Variants in ZNF892 observed in about 807,000 individuals in gnomAD.
The protein encoded by ZNF892 is zinc finger protein 892.
the ZNF892 span, among the ~76,000 whole-genome samples, chr2:95,228,650 A>G: frequency 3.3e-5 from 5 of 152,326 alleles, no homozygotes; most frequent in South Asian, 6.2e-4. Flanking sequence ...GCCTGAATCA[A>G]TTATTACATT....
chr2:95,237,751 T>G, the ZNF892 span, among the ~76,000 whole-genome samples: 2 of 152,354 alleles, frequency 1.3e-5, no homozygotes, highest in Non-Finnish European at 2.9e-5. Flanking sequence ...TGAAGAAAAT[T>G]AAATGTGCTA....
chr2:95,226,139 A>G, the ZNF892 span, among the ~76,000 whole-genome samples: 2 of 152,202 alleles, frequency 1.3e-5, no homozygotes, highest in Non-Finnish European at 2.9e-5. Flanking sequence ...GCATTGCCTT[A>G]GTGGGGTCTC....
At chr2:95,209,268 A>T in the ZNF892 span, among the ~76,000 whole-genome samples, 1 of 152,122 alleles carries the variant, frequency 6.6e-6, no homozygotes, top group East Asian at 1.9e-4. Flanking sequence ...ATAAAAAAAA[A>T]GTCTTCAAAT....
the ZNF892 span, among the ~76,000 whole-genome samples, chr2:95,234,309 A>G: frequency 1.3e-5 from 2 of 152,234 alleles, no homozygotes; most frequent in Admixed American, 6.5e-5. Context: ...TTAGAAGAAG[A>G]ACCCAGGAAA....
chr2:95,219,265 C>T, the ZNF892 span, among the ~76,000 whole-genome samples: 1 of 152,182 alleles, frequency 6.6e-6, no homozygotes, highest in East Asian at 1.9e-4. Context: ...TTCGGCCTCC[C>T]AAAGTGCTGG....
At chr2:95,223,400 G>T in the ZNF892 span, among the ~76,000 whole-genome samples, 13 of 151,748 alleles carry the variant, frequency 8.6e-5, no homozygotes, top group Non-Finnish European at 1.5e-4. Flanking sequence ...GTTTTTTTGG[G>T]GGGGAGGAGG....
the ZNF892 span, among the ~76,000 whole-genome samples, chr2:95,225,476 G>T: frequency 6.6e-6 from 1 of 152,178 alleles, no homozygotes; most frequent in Non-Finnish European, 1.5e-5. Context: ...CTGAACTCAC[G>T]CTTTTGTAAT....
At chr2:95,223,365 A>G in the ZNF892 span, among the ~76,000 whole-genome samples, 1 of 152,202 alleles carries the variant, frequency 6.6e-6, no homozygotes, top group Non-Finnish European at 1.5e-5. Context: ...AAACATAAGA[A>G]TACTTTATAA....
At chr2:95,208,721 G>C in the ZNF892 span, 1 of 398,514 alleles carries the variant, frequency 2.5e-6, no homozygotes, top group African/African-American at 2.1e-5. Context: ...CTGTGCTGCT[G>C]ACCCCTGGGT....
the ZNF892 span, among the ~76,000 whole-genome samples, chr2:95,213,553 C>T: frequency 3.9e-5 from 6 of 152,094 alleles, no homozygotes; most frequent in African/African-American, 9.7e-5. Flanking sequence ...TTTGACCTTC[C>T]CCTCCCAACA....
chr2:95,212,114 C>T, the ZNF892 span: 38 of 397,832 alleles, frequency 9.6e-5, no homozygotes, highest in Non-Finnish European at 1.5e-4. Flanking sequence ...CACTCTCTCC[C>T]TCTCTTACCA....
At chr2:95,238,072 A>T in the ZNF892 span, among the ~76,000 whole-genome samples, 8 of 152,362 alleles carry the variant, frequency 5.3e-5, no homozygotes, top group African/African-American at 1.9e-4. Flanking sequence ...GATATTTAAG[A>T]TCATTGATGA....
chr2:95,259,526 C>G, the ZNF892 span: 1 of 152,294 alleles, frequency 6.6e-6, no homozygotes, highest in Non-Finnish European at 1.5e-5. Flanking sequence ...ACAGCCTGCT[C>G]ATCAGAATTA....
the ZNF892 span, among the ~76,000 whole-genome samples, chr2:95,245,480 A>AGGGT: frequency 1.4e-5 from 2 of 144,564 alleles, no homozygotes; most frequent in Non-Finnish European, 3.0e-5. Context: ...CATGTTAGCC[A>AGGGT]GGGTGGTCTC....
the ZNF892 span, among the ~76,000 whole-genome samples, chr2:95,254,975 C>A: frequency 6.6e-6 from 1 of 152,068 alleles, no homozygotes; most frequent in Non-Finnish European, 1.5e-5. Flanking sequence ...TCTCTTTCTT[C>A]TTTATTAGTC....
chr2:95,209,575 G>A, the ZNF892 span, among the ~76,000 whole-genome samples: 2 of 152,122 alleles, frequency 1.3e-5, no homozygotes, highest in African/African-American at 2.4e-5. Context: ...CTTTATTTCC[G>A]TCACACCAGG....
the ZNF892 span, among the ~76,000 whole-genome samples, chr2:95,208,264 T>G: frequency 6.6e-6 from 1 of 152,186 alleles, no homozygotes; most frequent in Non-Finnish European, 1.5e-5. Flanking sequence ...GGCGGTGTTG[T>G]ATTAATATCT....
At chr2:95,246,882 C>T in the ZNF892 span, among the ~76,000 whole-genome samples, 2 of 152,148 alleles carry the variant, frequency 1.3e-5, no homozygotes, top group African/African-American at 4.8e-5. Context: ...GAAAAACATT[C>T]CATGCTCATG....
chr2:95,220,658 A>T, the ZNF892 span, among the ~76,000 whole-genome samples: 1 of 152,142 alleles, frequency 6.6e-6, no homozygotes, highest in Non-Finnish European at 1.5e-5. Context: ...TGGTATATAT[A>T]GGGTTTGTGG....
Sources: gnomAD v4.1 joint callset for allele counts (sites outside exome capture counted in the v4.1 genomes callset) on GRCh38, gnomAD v4.1.1 for gene constraint, MANE v1.5 for transcripts, NCBI Gene and HGNC (gene_info 2026-07-23, HGNC 2026-07-21) for gene names.